The following CDH13 variants were observed in gnomAD, a reference collection of about 807,000 sequenced individuals.
The protein encoded by CDH13 is cadherin-13.
In CDH13, 24 loss-of-function variants were observed where a neutral mutation model predicts 63.8. That is an observed-to-expected ratio of 0.38 (90% CI 0.27 to 0.53). The LOEUF is 0.53. Among genes scored for constraint, CDH13 ranks in the 20% least tolerant of loss-of-function variants. The probability of loss-of-function intolerance (pLI) is 0.85; values close to 1 mark genes in which losing one functional copy is unlikely to be tolerated. For synonymous variants in CDH13, 503 were observed against 355.3 expected (o/e 1.42, Z -4.67); for missense variants, 1,049 against 903.1 (o/e 1.16, Z -2.07).
At chr16:83,547,703 A>T (rs558070357) in intron 7 of CDH13, among the ~76,000 whole-genome samples, 25 of 152,162 alleles carry the variant, frequency 1.6e-4, no homozygotes, top group Non-Finnish European at 7.3e-5. Flanking sequence ...TCTACAGTTG[A>T]TGGGCATTTA....
chr16:83,032,357 C>A, intron 3 of CDH13, 139 bp downstream of exon 3: 2 of 683,480 alleles, frequency 2.9e-6, no homozygotes, highest in Non-Finnish European at 2.4e-6. Context: ...AGAAATCCAA[C>A]TCTAAAAATG....
At position 83,127,013 on chromosome 16, in the gene CDH13, T is replaced by C. The variant is rs932114378; in HGVS notation, c.483+1512T>C. 5.9e-5 allele frequency among the ~76,000 whole-genome samples: 9 copies of C among 152,158 alleles called. No homozygotes were observed. The East Asian group carries it at 7.7e-4, about 13-fold the overall frequency. ...CACGCAGATGGCTGTGATGGCTGGT[T>C]GGAGGTACTGATATTTGAGGGGAGA... is the stretch of plus-strand genomic sequence containing the variant. On this transcript the variant is annotated intron_variant, in intron 4 of 13. Transcript: ENST00000567109.
intron 2 of CDH13, among the ~76,000 whole-genome samples, chr16:82,998,952 G>A (rs570634308): frequency 1.2e-4 from 18 of 146,480 alleles, no homozygotes; most frequent in Admixed American, 2.1e-4. Context: ...ATTCTCTGCC[G>A]CTGTAATTTT....
intron 5 of CDH13, among the ~76,000 whole-genome samples, chr16:83,291,138 C>T (rs1181232359): frequency 1.3e-5 from 2 of 152,198 alleles, no homozygotes; most frequent in Admixed American, 6.5e-5. Flanking sequence ...ATCTTTGCAT[C>T]CTTCATGCTG....
At chr16:83,338,974 C>G (rs1567602560) in intron 5 of CDH13, among the ~76,000 whole-genome samples, 3 of 152,282 alleles carry the variant, frequency 2.0e-5, no homozygotes, top group South Asian at 2.1e-4. Context: ...AATCAATAAA[C>G]ATTGACAAAG....
chr16:83,105,680 C>T (rs775211731), intron 3 of CDH13, among the ~76,000 whole-genome samples: 34 of 152,180 alleles, frequency 2.2e-4, no homozygotes, highest in Non-Finnish European at 4.3e-4. Context: ...ATAAAGCCTG[C>T]ATTTGCATGG....
intron 1 of CDH13, among the ~76,000 whole-genome samples, chr16:82,762,157 T>C (rs962627151): frequency 1.3e-5 from 2 of 152,178 alleles, no homozygotes; most frequent in Non-Finnish European, 2.9e-5. Context: ...CCAAGTGACC[T>C]GCACATCGGA....
chr16:83,175,920 C>A (rs1036883015), intron 4 of CDH13, among the ~76,000 whole-genome samples: 1 of 149,972 alleles, frequency 6.7e-6, no homozygotes, highest in Admixed American at 6.7e-5. Flanking sequence ...CCTCCGCTTC[C>A]CAGGTTCAAG....
chr16:83,718,537 T>C (rs1909249787), intron 10 of CDH13, among the ~76,000 whole-genome samples: 1 of 152,084 alleles, frequency 6.6e-6, no homozygotes, highest in Admixed American at 6.5e-5. Flanking sequence ...TGGAAAAAGG[T>C]GGAGATTTCT....
At chr16:83,190,983 G>C (rs1366086171) in intron 4 of CDH13, among the ~76,000 whole-genome samples, 1 of 151,694 alleles carries the variant, frequency 6.6e-6, no homozygotes, top group Non-Finnish European at 1.5e-5. Context: ...ACAGGTTTGG[G>C]GTGGGAATGT....
chr16:83,450,924 G>A (rs769912041), intron 6 of CDH13, among the ~76,000 whole-genome samples: 69 of 152,262 alleles, frequency 4.5e-4, no homozygotes, highest in Admixed American at 1.7e-3. Flanking sequence ...GTAGTTCTCA[G>A]CCTTGTGTGT....
intron 4 of CDH13, among the ~76,000 whole-genome samples, chr16:83,216,319 C>T (rs1408985088): frequency 6.9e-6 from 1 of 145,028 alleles, no homozygotes; most frequent in Non-Finnish European, 1.5e-5. Flanking sequence ...TTGGCCATGG[C>T]CAGCTTGCTG....
At chr16:83,280,959 G>T (rs972213144) in intron 5 of CDH13, among the ~76,000 whole-genome samples, 3 of 152,188 alleles carry the variant, frequency 2.0e-5, no homozygotes, top group Admixed American at 1.3e-4. Context: ...CTGTCATCCA[G>T]ATTTTGTTAT....
intron 4 of CDH13, among the ~76,000 whole-genome samples, chr16:83,170,193 A>T (rs1489346091): frequency 6.6e-6 from 1 of 152,136 alleles, no homozygotes; most frequent in Non-Finnish European, 1.5e-5. Context: ...TTAACACATG[A>T]CAATAAACCC....
At position 83,800,023 on chromosome 16, in the gene CDH13, C is replaced by T. The variant is rs1389056255; in HGVS notation, c.*4993C>T. ...CAAATTAAGTAAGCGGAAAAATTTC[C>T]TCTCTCTCATACTATGTTGCTATCA... is the stretch of plus-strand genomic sequence containing the variant. On this transcript the variant is annotated 3_prime_UTR_variant, in exon 14 of 14. Coordinates refer to ENST00000567109, the MANE Select transcript of CDH13 (RefSeq NM_001257.5). 4 of 152,156 alleles carry T rather than the reference C, an allele frequency of 2.6e-5. No individual in the cohort carries two copies. The highest frequency in any genetic ancestry group is 1.9e-4 in the East Asian group (1 of 5,200). 9.4% of individuals were successfully genotyped at this position (152,156 alleles called of 1,614,324 possible).
At chr16:82,950,346 G>A (rs944564905) in intron 2 of CDH13, among the ~76,000 whole-genome samples, 13 of 152,122 alleles carry the variant, frequency 8.5e-5, no homozygotes, top group South Asian at 2.1e-4. Context: ...TGGTAAGGAC[G>A]TGGTATGGTT....
intron 1 of CDH13, among the ~76,000 whole-genome samples, chr16:82,760,389 TTTG>T (rs2034788048): frequency 6.6e-6 from 1 of 152,186 alleles, no homozygotes; most frequent in Non-Finnish European, 1.5e-5. Context: ...TACACTGTCA[TTTG>T]CATCTAGTGT....
At position 82,707,247 on chromosome 16, in the gene CDH13, G is replaced by A. The variant is rs183578764; in HGVS notation, c.45+80110G>A. Among the ~76,000 whole-genome samples, 321 of 152,298 alleles carry A rather than the reference G, an allele frequency of 2.1e-3. 2 individuals are homozygous for A. Among genetic ancestry groups the A allele is most frequent in the African/African-American group, 7.5e-3 (312 of 41,556 alleles). On this transcript the variant is annotated intron_variant, in intron 1 of 13. Transcript: ENST00000567109. ...ACTGAACAAAAGCCATTGCTAATGAGGCTATGTATACAAAGCCAGCTGACT... is the reference window on the plus strand; with the variant it reads ...ACTGAACAAAAGCCATTGCTAATGAAGCTATGTATACAAAGCCAGCTGACT...
intron 7 of CDH13, among the ~76,000 whole-genome samples, chr16:83,501,684 A>C (rs928693014): frequency 6.6e-6 from 1 of 152,154 alleles, no homozygotes; most frequent in African/African-American, 2.4e-5. Context: ...GCCTTTCCTG[A>C]GTCACCCACT....
Sources: allele counts gnomAD v4.1 joint callset (sites outside exome capture counted in the v4.1 genomes callset), GRCh38; gene constraint gnomAD v4.1.1; transcripts MANE v1.5; gene names NCBI Gene and HGNC (gene_info 2026-07-23, HGNC 2026-07-21).